NAV2: variants seen among roughly 807,000 people sequenced by gnomAD.
NAV2 encodes neuron navigator 2.
In NAV2, 54 loss-of-function variants were observed where a neutral mutation model predicts 223.2. That is an observed-to-expected ratio of 0.24 (90% CI 0.19 to 0.30). The LOEUF is 0.30. Ranked by LOEUF, NAV2 falls within the 10% of genes least tolerant of loss-of-function variation. The probability of loss-of-function intolerance (pLI) is 1.00; values close to 1 mark genes in which losing one functional copy is unlikely to be tolerated. For synonymous variants in NAV2, 1,279 were observed against 1,239.3 expected (o/e 1.03, Z -0.67); for missense variants, 2,806 against 3,147.5 (o/e 0.89, Z 2.60).
At chr11:19,831,903 C>T (rs59541331) in intron 1 of NAV2, among the ~76,000 whole-genome samples, 4,625 of 152,184 alleles carry the variant, frequency 0.03, 210 homozygotes, top group African/African-American at 0.11. Flanking sequence ...TAAATTAAAC[C>T]GATTAAATTT....
intron 6 of NAV2, among the ~76,000 whole-genome samples, chr11:19,914,479 C>T (rs2043605444): frequency 6.6e-6 from 1 of 151,882 alleles, no homozygotes; most frequent in South Asian, 2.1e-4. Flanking sequence ...TGTTTAGGGC[C>T]TTGGAGGGGT....
At chr11:19,620,970 AG>A (rs1428996498) in intron 1 of NAV2, among the ~76,000 whole-genome samples, 3 of 152,176 alleles carry the variant, frequency 2.0e-5, no homozygotes, top group Non-Finnish European at 2.9e-5. Context: ...TTTAGCATGA[AG>A]GGTTGTTGAA....
Position 20,103,491 on chromosome 11 carries a change from G to C in NAV2, c.6572+82G>C, listed in dbSNP as rs1426073435. Reference sequence around the variant, plus strand: ...GGGCACTGTGCACACAGGTGGCCCGGGGCCGTTGTGGGAGTGAAGCTGTGC... The same window carrying C: ...GGGCACTGTGCACACAGGTGGCCCGCGGCCGTTGTGGGAGTGAAGCTGTGC... On this transcript the variant is annotated intron_variant, in intron 33 of 37. Transcript: ENST00000349880. The C allele has an allele frequency of 2.6e-6, 4 of 1,535,806 alleles. No individual in the cohort carries two copies. In the East Asian group the frequency reaches 9.0e-5, roughly 35 times the overall value.
At chr11:20,026,804 G>A (rs1361561911) in intron 11 of NAV2, among the ~76,000 whole-genome samples, 1 of 152,104 alleles carries the variant, frequency 6.6e-6, no homozygotes. Flanking sequence ...ATGACCCGTG[G>A]GACTATTTCT....
At chr11:19,780,463 G>T (rs1466127889) in intron 1 of NAV2, among the ~76,000 whole-genome samples, 4 of 152,258 alleles carry the variant, frequency 2.6e-5, no homozygotes, top group Admixed American at 2.6e-4. Flanking sequence ...TTTGAGGAGT[G>T]GTAGAGTCCA....
At chr11:19,468,058 T>A (rs1316919598) in intron 1 of NAV2, among the ~76,000 whole-genome samples, 1 of 152,050 alleles carries the variant, frequency 6.6e-6, no homozygotes, top group Non-Finnish European at 1.5e-5. Context: ...TGGAAGGCAA[T>A]TAGCATGGCT....
chr11:19,524,972 GT>G (rs1269562036), intron 1 of NAV2, among the ~76,000 whole-genome samples: 4 of 152,230 alleles, frequency 2.6e-5, no homozygotes, highest in East Asian at 3.9e-4. Context: ...GAGATGTGGG[GT>G]TTTTTTCTTC....
chr11:20,078,488 T>G (rs528875470), intron 24 of NAV2, among the ~76,000 whole-genome samples: 1 of 152,242 alleles, frequency 6.6e-6, no homozygotes, highest in East Asian at 1.9e-4. Flanking sequence ...TGAGACACTC[T>G]TGCTCTGTCA....
At chr11:19,449,609 T>G (rs1851715837) in intron 1 of NAV2, among the ~76,000 whole-genome samples, 1 of 119,206 alleles carries the variant, frequency 8.4e-6, no homozygotes, top group Non-Finnish European at 1.7e-5. Flanking sequence ...TCAGGGTGTG[T>G]GTGTGTGTTG....
chr11:19,705,031 AAAG>A (rs1163912448), intron 1 of NAV2, among the ~76,000 whole-genome samples: 1 of 151,376 alleles, frequency 6.6e-6, no homozygotes, highest in Non-Finnish European at 1.5e-5. Flanking sequence ...AAAAAAAAGA[AAAG>A]AAATAATTTT....
intron 28 of NAV2, among the ~76,000 whole-genome samples, chr11:20,092,576 C>T (rs533160631): frequency 6.6e-6 from 1 of 152,128 alleles, no homozygotes. Flanking sequence ...CTCCAGCACC[C>T]CAAATTCTCC....
intron 1 of NAV2, among the ~76,000 whole-genome samples, chr11:19,678,464 G>C (rs556321656): frequency 1.3e-5 from 2 of 152,314 alleles, no homozygotes; most frequent in East Asian, 3.9e-4. Flanking sequence ...GAGGGGTCAA[G>C]AGCTTAACCC....
At chr11:19,467,111 T>C (rs1379466533) in intron 1 of NAV2, among the ~76,000 whole-genome samples, 1 of 152,180 alleles carries the variant, frequency 6.6e-6, no homozygotes. Flanking sequence ...CATGTACATG[T>C]ATAATTCTCT....
intron 1 of NAV2, among the ~76,000 whole-genome samples, chr11:19,736,128 G>A (rs1222517330): frequency 6.6e-6 from 1 of 152,140 alleles, no homozygotes; most frequent in Admixed American, 6.5e-5. Context: ...ATAGTATGCA[G>A]CAGTGACCCT....
intron 10 of NAV2, among the ~76,000 whole-genome samples, chr11:19,954,883 G>C (rs1173925547): frequency 1.4e-5 from 1 of 69,844 alleles, no homozygotes; most frequent in East Asian, 3.6e-4. Context: ...ATGTGTGTGT[G>C]TGTATGTATG....
chr11:19,686,191 G>A (rs1259941539), intron 1 of NAV2, among the ~76,000 whole-genome samples: 3 of 151,980 alleles, frequency 2.0e-5, no homozygotes, highest in East Asian at 1.9e-4. Flanking sequence ...TGGTGACATC[G>A]CTGCCTCCAC....
At chr11:19,420,472 T>C (rs541457161) in intron 1 of NAV2, among the ~76,000 whole-genome samples, 1 of 152,198 alleles carries the variant, frequency 6.6e-6, no homozygotes, top group East Asian at 1.9e-4. Flanking sequence ...TGCTAGAATG[T>C]TCATAGCAAC....
intron 5 of NAV2, among the ~76,000 whole-genome samples, chr11:19,880,712 G>C (rs926745937): frequency 1.3e-5 from 2 of 152,102 alleles, no homozygotes; most frequent in African/African-American, 4.8e-5. Context: ...GCAGGGTTGG[G>C]GTCTGGATTT....
chr11:19,378,775 T>C (rs1848731141), intron 1 of NAV2, among the ~76,000 whole-genome samples: 1 of 152,166 alleles, frequency 6.6e-6, no homozygotes, highest in Non-Finnish European at 1.5e-5. Context: ...ACCTTAGTGC[T>C]GCTAAGGGCG....
Sources: gnomAD v4.1 joint callset for allele counts (sites outside exome capture counted in the v4.1 genomes callset) on GRCh38, gnomAD v4.1.1 for gene constraint, MANE v1.5 for transcripts, NCBI Gene and HGNC (gene_info 2026-07-23, HGNC 2026-07-21) for gene names.